ZNF184: variants seen among roughly 807,000 people sequenced by gnomAD.
ZNF184 encodes zinc finger protein 184 (Kruppel-like).
ZNF184 carries 16 observed loss-of-function variants against 54.4 expected under a neutral mutation model. The observed-to-expected ratio is 0.29, with a 90% CI of 0.20 to 0.45. The LOEUF (loss-of-function observed/expected upper bound fraction) is 0.45, where lower values mean the gene tolerates loss of function less well. Among genes scored for constraint, ZNF184 ranks in the 20% least tolerant of loss-of-function variants. ZNF184 has a pLI of 1.00. For missense variants in ZNF184, 681 were observed against 888.2 expected, an observed-to-expected ratio of 0.77 and a Z score of 2.97; for synonymous variants, 254 against 295.3, an observed-to-expected ratio of 0.86 and a Z score of 1.43.
chr6:27,410,159 G>A, the ZNF184 span, among the ~76,000 whole-genome samples: 1 of 152,186 alleles, frequency 6.6e-6, no homozygotes, highest in Non-Finnish European at 1.5e-5. Context: ...ATTACCTAAT[G>A]ATGCACTTTT....
At chr6:27,470,800 G>T (rs985488163) in intron 2 of ZNF184, among the ~76,000 whole-genome samples, 3 of 152,080 alleles carry the variant, frequency 2.0e-5, no homozygotes, top group Non-Finnish European at 4.4e-5. Context: ...CAGAGGCTCA[G>T]TAAAGTTAAT....
At chr6:27,428,826 G>A in the ZNF184 span, among the ~76,000 whole-genome samples, 1 of 152,160 alleles carries the variant, frequency 6.6e-6, no homozygotes, top group Non-Finnish European at 1.5e-5. The surrounding 1 kb of genome is among the most constrained non-coding windows in gnomAD (Gnocchi z 4.1). Context: ...AATACTCCAA[G>A]TCTTCCTGTG....
chr6:27,423,924 G>A, the ZNF184 span, among the ~76,000 whole-genome samples: 12 of 152,166 alleles, frequency 7.9e-5, no homozygotes, highest in Admixed American at 7.2e-4. Context: ...TCTAGCAAAT[G>A]CTTGAGTCTG....
the ZNF184 span, among the ~76,000 whole-genome samples, chr6:27,425,550 T>C: frequency 2.0e-5 from 3 of 152,352 alleles, no homozygotes; most frequent in Non-Finnish European, 4.4e-5. Flanking sequence ...AAAGTATTTA[T>C]CATTGTTGAT....
intron 3 of ZNF184, among the ~76,000 whole-genome samples, chr6:27,461,100 G>A (rs1215930526): frequency 6.6e-6 from 1 of 152,162 alleles, no homozygotes; most frequent in Non-Finnish European, 1.5e-5. Context: ...ACCAGGTGCC[G>A]AGTGTGGGGT....
the ZNF184 span, among the ~76,000 whole-genome samples, chr6:27,412,378 A>G: frequency 6.6e-6 from 1 of 152,162 alleles, no homozygotes; most frequent in Non-Finnish European, 1.5e-5. Context: ...AGAGACAACC[A>G]GGTCCATGCA....
chr6:27,423,807 T>C, the ZNF184 span, among the ~76,000 whole-genome samples: 3 of 152,252 alleles, frequency 2.0e-5, no homozygotes, highest in Non-Finnish European at 4.4e-5. Flanking sequence ...AATGTTCACA[T>C]ATTCATTTTA....
chr6:27,463,030 A>C (rs1763036519), intron 3 of ZNF184, among the ~76,000 whole-genome samples: 1 of 146,590 alleles, frequency 6.8e-6, no homozygotes, highest in African/African-American at 2.5e-5. Context: ...AAATGTTCAA[A>C]ACGTTAGGCA....
intron 2 of ZNF184, among the ~76,000 whole-genome samples, chr6:27,470,721 G>GA (rs1033247568): frequency 1.1e-3 from 162 of 152,222 alleles, no homozygotes; most frequent in African/African-American, 3.7e-3. Flanking sequence ...AACAGTTACA[G>GA]AAACCAACTG....
the ZNF184 span, among the ~76,000 whole-genome samples, chr6:27,422,148 A>AAAAGAAAGAAAGAAAGAAAG: frequency 7.3e-3 from 318 of 43,326 alleles, 4 homozygotes; most frequent in South Asian, 0.02. Context: ...CTCAAAAAAA[A>AAAAGAAAGAAAGAAAGAAAG]AAAGAAAGAA....
chr6:27,448,589 C>T (rs1762664324), downstream of ZNF184, among the ~76,000 whole-genome samples: 1 of 152,120 alleles, frequency 6.6e-6, no homozygotes, highest in African/African-American at 2.4e-5. Flanking sequence ...ATCTCCTACC[C>T]TCACTTATTA....
At chr6:27,455,746 T>G (rs1193231756) in intron 5 of ZNF184, among the ~76,000 whole-genome samples, 1 of 152,168 alleles carries the variant, frequency 6.6e-6, no homozygotes, top group African/African-American at 2.4e-5. Context: ...GTACTCCAGT[T>G]AGAAACTTGC....
intron 3 of ZNF184, among the ~76,000 whole-genome samples, chr6:27,461,855 C>A (rs1237123932): frequency 2.6e-5 from 4 of 151,978 alleles, no homozygotes; most frequent in Admixed American, 2.6e-4. Context: ...GAGAGCTACA[C>A]AAAGAGAGAA....
At chr6:27,437,948 C>T in the ZNF184 span, among the ~76,000 whole-genome samples, 963 of 152,304 alleles carry the variant, frequency 6.3e-3, 6 homozygotes, top group African/African-American at 0.017. Flanking sequence ...AATCCACTTA[C>T]ACAACATCAT....
the ZNF184 span, among the ~76,000 whole-genome samples, chr6:27,413,133 C>A: frequency 6.6e-6 from 1 of 152,180 alleles, no homozygotes; most frequent in African/African-American, 2.4e-5. Context: ...TGGCACATGC[C>A]TGTAATCCCA....
intron 3 of ZNF184, among the ~76,000 whole-genome samples, chr6:27,460,050 C>T (rs773808164): frequency 6.6e-6 from 1 of 151,984 alleles, no homozygotes; most frequent in Non-Finnish European, 1.5e-5. Flanking sequence ...ACCTGTAGTC[C>T]CAGCTCCTCA....
chr6:27,427,967 CTT>C, the ZNF184 span, among the ~76,000 whole-genome samples: 1 of 152,216 alleles, frequency 6.6e-6, no homozygotes, highest in Non-Finnish European at 1.5e-5. Context: ...CAACTCTTCT[CTT>C]TTTCTTACCC....
chr6:27,418,251 T>C, the ZNF184 span, among the ~76,000 whole-genome samples: 1 of 152,172 alleles, frequency 6.6e-6, no homozygotes, highest in South Asian at 2.1e-4. Flanking sequence ...AGGGGCATGT[T>C]TATGTGTCCC....
chr6:27,425,814 C>T, the ZNF184 span, among the ~76,000 whole-genome samples: 1 of 151,932 alleles, frequency 6.6e-6, no homozygotes, highest in African/African-American at 2.4e-5. Flanking sequence ...TTCCACAGTA[C>T]CTCTGAAACT....
Sources: allele counts gnomAD v4.1 joint callset (sites outside exome capture counted in the v4.1 genomes callset), GRCh38; gene constraint gnomAD v4.1.1; non-coding constraint Gnocchi (gnomAD v3.1); transcripts MANE v1.5; gene names NCBI Gene and HGNC (gene_info 2026-07-23, HGNC 2026-07-21).